PIR: variants seen among roughly 807,000 people sequenced by gnomAD.
PIR encodes the protein pirin.
In PIR, 22 loss-of-function variants were observed where a neutral mutation model predicts 24.2. The ratio of observed to expected loss-of-function variants is 0.91; its 90% CI spans 0.65 to 1.30. PIR has a LOEUF of 1.30. Among genes scored for constraint, PIR ranks in the 50% most tolerant of loss-of-function variants. PIR has a pLI of 0.00. For synonymous variants in PIR, 80 were observed against 79.6 expected (o/e 1.00, Z -0.03); for missense variants, 220 against 220.3 (o/e 1.00, Z 0.01).
intron 3 of PIR, among the ~76,000 whole-genome samples, chrX:15,466,285 C>A (rs757565813): frequency 8.9e-6 from 1 of 111,967 alleles, no homozygotes; most frequent in South Asian, 3.7e-4. Flanking sequence ...CGCACCTTCA[C>A]AAGTTCCAAA....
intron 6 of PIR, among the ~76,000 whole-genome samples, chrX:15,416,773 T>C (rs1924933150): frequency 9.1e-6 from 1 of 110,096 alleles, no homozygotes; most frequent in Admixed American, 9.7e-5. Flanking sequence ...ATGTTGTGAG[T>C]TGCCCTATAT....
chrX:15,436,357 G>T (rs747324539), intron 5 of PIR, among the ~76,000 whole-genome samples: 33 of 111,971 alleles, frequency 2.9e-4, no homozygotes, highest in African/African-American at 9.7e-4. Flanking sequence ...TGATGACGGG[G>T]ACTCACAGTA....
At chrX:15,414,154 T>C (rs1012255421) in intron 6 of PIR, among the ~76,000 whole-genome samples, 4 of 112,322 alleles carry the variant, frequency 3.6e-5, no homozygotes, top group African/African-American at 1.3e-4. Flanking sequence ...AATACAATAG[T>C]ACTACAAATG....
At chrX:15,428,606 G>A (rs760664439) in intron 5 of PIR, among the ~76,000 whole-genome samples, 2 of 111,840 alleles carry the variant, frequency 1.8e-5, no homozygotes, top group South Asian at 7.6e-4. Flanking sequence ...AGTCTTTCAT[G>A]CTGTATTGCT....
At chrX:15,484,306 CTTTTTTTT>C (rs1193474348) in intron 2 of PIR, among the ~76,000 whole-genome samples, 3,421 of 67,364 alleles carry the variant, frequency 0.051, 218 homozygotes, top group African/African-American at 0.18. Flanking sequence ...TCTCAATTTT[CTTTTTTTT>C]TTTTTTTTTT....
intron 9 of PIR, among the ~76,000 whole-genome samples, chrX:15,386,245 T>C (rs1049893250): frequency 8.9e-6 from 1 of 112,531 alleles, no homozygotes; most frequent in African/African-American, 3.2e-5. Context: ...TCTTAACCAT[T>C]GTTATCATAT....
At position 15,407,646 on chromosome X, in the gene PIR, C is replaced by T. The variant is rs140893586; in HGVS notation, c.566-96G>A. 775 of 649,965 alleles carry T rather than the reference C, an allele frequency of 1.2e-3. 4 individuals carry two copies. The African/African-American group carries it at 0.015, about 13-fold the overall frequency. The allele number at this position is 649,965 out of a possible 1,213,427, so 53.6% of individuals were successfully genotyped here. Reference sequence around the variant, plus strand: ...ACAAACACAAAGATAAATTTGGAGACGAAATCCTTTTTTTCCCTTTAGATA... The same window carrying T: ...ACAAACACAAAGATAAATTTGGAGATGAAATCCTTTTTTTCCCTTTAGATA... On this transcript the variant is annotated intron_variant, in intron 6 of 9. Coordinates refer to ENST00000380420, the MANE Select transcript of PIR (RefSeq NM_001018109.3).
chrX:15,405,639 G>GT (rs1356783378), intron 7 of PIR, among the ~76,000 whole-genome samples: 1 of 112,163 alleles, frequency 8.9e-6, no homozygotes, highest in Non-Finnish European at 1.9e-5. Context: ...CCATAAAAAT[G>GT]TTTTTTTCTA....
At chrX:15,478,017 C>G (rs1922293444) in intron 3 of PIR, among the ~76,000 whole-genome samples, 1 of 79,934 alleles carries the variant, frequency 1.3e-5, no homozygotes, top group Non-Finnish European at 2.4e-5. Context: ...AAAGTATTCC[C>G]CCCCCCCCAG....
At chrX:15,443,317 A>C (rs1925982105) in intron 5 of PIR, among the ~76,000 whole-genome samples, 1 of 111,697 alleles carries the variant, frequency 9.0e-6, no homozygotes. Flanking sequence ...TCCTTTAAAA[A>C]TATTACTGCT....
At chrX:15,387,614 T>C (rs1326448035) in intron 9 of PIR, among the ~76,000 whole-genome samples, 11 of 111,305 alleles carry the variant, frequency 9.9e-5, no homozygotes, top group African/African-American at 3.3e-4. Context: ...AAGACAACTT[T>C]TTAAAGGACA....
At chrX:15,422,548 A>G (rs189926336) in intron 6 of PIR, among the ~76,000 whole-genome samples, 125 of 111,273 alleles carry the variant, frequency 1.1e-3, no homozygotes, top group Middle Eastern at 4.6e-3. Context: ...ATCTGAAAAA[A>G]ATATCAAGAA....
At chrX:15,415,905 T>C (rs1385395477) in intron 6 of PIR, among the ~76,000 whole-genome samples, 1 of 110,876 alleles carries the variant, frequency 9.0e-6, no homozygotes, top group Non-Finnish European at 1.9e-5. Flanking sequence ...CAGAAAGCAC[T>C]AATCATTAAG....
intron 8 of PIR, among the ~76,000 whole-genome samples, chrX:15,397,098 A>G (rs1401187835): frequency 8.9e-6 from 1 of 112,238 alleles, no homozygotes; most frequent in Non-Finnish European, 1.9e-5. Context: ...TTATATTTCT[A>G]CTTCTATAGG....
intron 8 of PIR, among the ~76,000 whole-genome samples, chrX:15,396,436 G>A (rs1030029815): frequency 1.8e-5 from 2 of 111,496 alleles, no homozygotes; most frequent in African/African-American, 3.3e-5. Flanking sequence ...CGACTGCCTC[G>A]GCACTAGTCA....
chrX:15,414,108 C>T (rs755678265), intron 6 of PIR, among the ~76,000 whole-genome samples: 79 of 112,146 alleles, frequency 7.0e-4, no homozygotes, highest in African/African-American at 2.2e-3. Context: ...AAGCCTAGCC[C>T]GCTGGAGGGC....
intron 3 of PIR, among the ~76,000 whole-genome samples, chrX:15,462,192 TTACTC>T (rs1451904240): frequency 8.9e-6 from 1 of 112,417 alleles, no homozygotes; most frequent in Non-Finnish European, 1.9e-5. Context: ...GCTATAGTGA[TTACTC>T]TAGCAAATAA....
chrX:15,414,467 T>C (rs923880461), intron 6 of PIR, among the ~76,000 whole-genome samples: 1 of 112,386 alleles, frequency 8.9e-6, no homozygotes, highest in Admixed American at 9.4e-5. Flanking sequence ...GTAGACATAA[T>C]CATAAAATTC....
chrX:15,425,876 G>T (rs761528281), intron 6 of PIR, 30 bp downstream of exon 6: 2 of 832,185 alleles, frequency 2.4e-6, no homozygotes, highest in African/African-American at 2.1e-5. Flanking sequence ...TTTTCCTGAC[G>T]TGACTACTAA....
Sources: allele counts gnomAD v4.1 joint callset (sites outside exome capture counted in the v4.1 genomes callset), GRCh38; gene constraint gnomAD v4.1.1; transcripts MANE v1.5; gene names NCBI Gene and HGNC (gene_info 2026-07-23, HGNC 2026-07-21).